The following HECW1 variants were observed in gnomAD, a reference collection of about 807,000 sequenced individuals.
The protein encoded by HECW1 is HECT, C2 and WW domain containing E3 ubiquitin protein ligase 1, also known as E3 ubiquitin-protein ligase HECW1.
A neutral mutation model predicts 182.3 loss-of-function variants in HECW1; 61 were observed. The observed-to-expected ratio is 0.33, with a 90% CI of 0.27 to 0.41. HECW1 has a LOEUF of 0.41. HECW1 is among the 10% of genes least tolerant of loss of function. The probability of loss-of-function intolerance (pLI) is 1.00; values close to 1 mark genes in which losing one functional copy is unlikely to be tolerated. For synonymous variants in HECW1, 859 were observed against 832.6 expected (o/e 1.03, Z -0.55); for missense variants, 1,739 against 2,108.9 (o/e 0.82, Z 3.44).
intron 26 of HECW1, 121 bp downstream of exon 26, chr7:43,542,119 A>G: frequency 1.2e-6 from 1 of 805,710 alleles, no homozygotes; most frequent in Admixed American, 3.5e-5. Context: ...GTATATCCAC[A>G]TTGTTGGCCA....
intron 5 of HECW1, among the ~76,000 whole-genome samples, chr7:43,332,615 C>A (rs930934206): frequency 2.0e-5 from 3 of 152,218 alleles, no homozygotes; most frequent in African/African-American, 7.2e-5. Flanking sequence ...ATTACACAGA[C>A]AGACACAGCA....
intron 3 of HECW1, among the ~76,000 whole-genome samples, chr7:43,276,637 A>G (rs1803196551): frequency 6.6e-6 from 1 of 152,050 alleles, no homozygotes; most frequent in Admixed American, 6.6e-5. Flanking sequence ...GATACTATTT[A>G]TTTTTGCAAG....
At chr7:43,453,986 G>A (rs886974283) in intron 12 of HECW1, among the ~76,000 whole-genome samples, 1 of 152,196 alleles carries the variant, frequency 6.6e-6, no homozygotes, top group African/African-American at 2.4e-5. Flanking sequence ...ATACATATGA[G>A]TATATAATTA....
chr7:43,226,890 G>C (rs1797480122), intron 2 of HECW1, among the ~76,000 whole-genome samples: 1 of 152,192 alleles, frequency 6.6e-6, no homozygotes, highest in Non-Finnish European at 1.5e-5. Context: ...GGGGGCTCCA[G>C]AACACAGGAT....
At chr7:43,333,062 G>A (rs190919798) in intron 5 of HECW1, among the ~76,000 whole-genome samples, 1 of 152,294 alleles carries the variant, frequency 6.6e-6, no homozygotes, top group African/African-American at 2.4e-5. Flanking sequence ...CTAAGGCAGA[G>A]GATTGGTGCA....
chr7:43,529,429 T>C (rs138190886), intron 24 of HECW1, among the ~76,000 whole-genome samples: 2 of 152,272 alleles, frequency 1.3e-5, no homozygotes, highest in African/African-American at 4.8e-5. Flanking sequence ...GCTCTAGCCC[T>C]GGAGAAAATG....
At chr7:43,135,773 A>T (rs1043288668) in intron 2 of HECW1, among the ~76,000 whole-genome samples, 1 of 151,962 alleles carries the variant, frequency 6.6e-6, no homozygotes, top group African/African-American at 2.4e-5. Context: ...TTTAATTTTC[A>T]TGCTGGAAAG....
chr7:43,408,818 T>G (rs1341232740), intron 8 of HECW1, among the ~76,000 whole-genome samples: 1 of 152,064 alleles, frequency 6.6e-6, no homozygotes, highest in African/African-American at 2.4e-5. Flanking sequence ...GTGGATGGGG[T>G]ATAATGTAGG....
At chr7:43,501,992 T>C (rs1381114189) in intron 21 of HECW1, among the ~76,000 whole-genome samples, 3 of 152,178 alleles carry the variant, frequency 2.0e-5, no homozygotes, top group African/African-American at 7.2e-5. Flanking sequence ...CAGACTTGAG[T>C]AATAGCAACA....
At chr7:43,343,211 C>T (rs566038657) in intron 5 of HECW1, among the ~76,000 whole-genome samples, 7 of 151,150 alleles carry the variant, frequency 4.6e-5, no homozygotes, top group Non-Finnish European at 1.0e-4. Context: ...AAAAACTTGC[C>T]ATGATGTTCA....
At position 43,563,993 on chromosome 7, in the gene HECW1, T is replaced by G; in HGVS notation, c.*2067T>G. 5.3e-6 allele frequency: 1 copy of G among 189,094 alleles called. No homozygotes were observed. Among genetic ancestry groups the G allele is most frequent in the Non-Finnish European group, 1.1e-5 (1 of 89,876 alleles). The allele number at this position is 189,094 out of a possible 1,614,324, so 11.7% of individuals were successfully genotyped here. On this transcript the variant is annotated 3_prime_UTR_variant, in exon 30 of 30. Coordinates refer to ENST00000395891, the MANE Select transcript of HECW1 (RefSeq NM_015052.5). ...TACATTATAGAAATTTAGACTTTTATTGTCTAAAAAGAATATTTACTGAGA... is the reference window on the plus strand; with the variant it reads ...TACATTATAGAAATTTAGACTTTTAGTGTCTAAAAAGAATATTTACTGAGA...
At chr7:43,220,645 G>T (rs936532119) in intron 2 of HECW1, among the ~76,000 whole-genome samples, 2 of 152,180 alleles carry the variant, frequency 1.3e-5, no homozygotes, top group African/African-American at 4.8e-5. Context: ...TACCTCCCAG[G>T]AATTGGAAAC....
At chr7:43,272,816 T>C (rs1230604964) in intron 3 of HECW1, among the ~76,000 whole-genome samples, 1 of 152,222 alleles carries the variant, frequency 6.6e-6, no homozygotes, top group Non-Finnish European at 1.5e-5. Flanking sequence ...ATCCCATTAC[T>C]CTGTGTATTT....
intron 5 of HECW1, among the ~76,000 whole-genome samples, chr7:43,334,170 C>G: frequency 6.6e-6 from 1 of 152,170 alleles, no homozygotes; most frequent in East Asian, 1.9e-4. Context: ...ATTGTGTGTG[C>G]CTTCCTGAGT....
At chr7:43,197,873 A>T (rs1048020866) in intron 2 of HECW1, among the ~76,000 whole-genome samples, 2 of 152,064 alleles carry the variant, frequency 1.3e-5, no homozygotes, top group Non-Finnish European at 2.9e-5. Flanking sequence ...CAGGGTTCCC[A>T]GTGAAGGCGT....
chr7:43,479,241 C>T (rs3857751), intron 16 of HECW1, among the ~76,000 whole-genome samples: 64,548 of 151,934 alleles, frequency 0.42, 14,321 homozygotes, highest in South Asian at 0.63. Flanking sequence ...CTGGGGGTAA[C>T]GAGAGACGGT....
At chr7:43,336,916 T>C (rs1054892684) in intron 5 of HECW1, among the ~76,000 whole-genome samples, 4 of 152,226 alleles carry the variant, frequency 2.6e-5, no homozygotes, top group Non-Finnish European at 4.4e-5. Context: ...CCATGGTGTA[T>C]ATATACATTT....
chr7:43,414,627 C>A (rs2075925063), intron 8 of HECW1, among the ~76,000 whole-genome samples: 1 of 150,848 alleles, frequency 6.6e-6, no homozygotes, highest in Admixed American at 6.6e-5. Context: ...TGAAATATGT[C>A]CCATCAATAC....
At chr7:43,116,968 A>G (rs1158001661) in intron 2 of HECW1, among the ~76,000 whole-genome samples, 1 of 152,226 alleles carries the variant, frequency 6.6e-6, no homozygotes, top group Non-Finnish European at 1.5e-5. Flanking sequence ...GGCAATATGT[A>G]GAGAAGAAAT....
Sources: gnomAD v4.1 joint callset for allele counts (sites outside exome capture counted in the v4.1 genomes callset) on GRCh38, gnomAD v4.1.1 for gene constraint, MANE v1.5 for transcripts, NCBI Gene and HGNC (gene_info 2026-07-23, HGNC 2026-07-21) for gene names.